The following ZNF658 variants were observed in gnomAD, a reference collection of about 807,000 sequenced individuals.
ZNF658 encodes the protein zinc finger protein 658.
A neutral mutation model predicts 78.0 loss-of-function variants in ZNF658; 46 were observed. The ratio of observed to expected loss-of-function variants is 0.59; its 90% CI spans 0.47 to 0.75. The LOEUF (loss-of-function observed/expected upper bound fraction) is 0.75. Among genes scored for constraint, ZNF658 ranks in the 30% least tolerant of loss-of-function variants. The pLI is 0.00. For missense variants in ZNF658, 785 were observed against 1,189.3 expected (o/e 0.66, Z 5.00); for synonymous variants, 279 against 408.4 (o/e 0.68, Z 3.82).
intron 4 of ZNF658, among the ~76,000 whole-genome samples, chr9:66,910,988 A>G (rs997941693): frequency 2.6e-5 from 4 of 151,360 alleles, no homozygotes; most frequent in Admixed American, 2.0e-4. Flanking sequence ...AAATAATATA[A>G]TATCAATGTT....
At chr9:66,914,176 T>C (rs570604779) in intron 4 of ZNF658, among the ~76,000 whole-genome samples, 1 of 151,070 alleles carries the variant, frequency 6.6e-6, no homozygotes, top group East Asian at 1.9e-4. Context: ...CCCTACTGAT[T>C]TATTTACTGT....
At chr9:66,914,990 C>A (rs1184348009) in intron 4 of ZNF658, among the ~76,000 whole-genome samples, 2 of 151,554 alleles carry the variant, frequency 1.3e-5, no homozygotes, top group African/African-American at 4.9e-5. Context: ...TTATTTCTTC[C>A]TTGGATGTTT....
At chr9:66,910,318 A>G (rs1350384686) in intron 4 of ZNF658, among the ~76,000 whole-genome samples, 5 of 151,590 alleles carry the variant, frequency 3.3e-5, no homozygotes, top group South Asian at 2.1e-4. Context: ...AGAATAAAAA[A>G]GTAAAATCAT....
In ZNF658 at chr9:66,908,625, T is replaced by C. The variant is rs1822137323; in HGVS notation, c.143-14T>C. On this transcript the variant is annotated splice_polypyrimidine_tract_variant and intron_variant, in intron 3 of 4. Transcript: ENST00000621410. ...GCCTGTGAATCTGGTCCATGTCAAT[T>C]ATTTTGTTTACAGGATATTGCATTA... The C allele has an allele frequency of 1.3e-6, 2 of 1,559,440 alleles. No homozygotes were observed. The highest frequency in any genetic ancestry group is 1.7e-6 in the Non-Finnish European group (2 of 1,152,480).
chr9:66,918,727 G>C lies in ZNF658; in HGVS notation c.1161G>C (p.Gly387=). 6.2e-7 allele frequency: 1 copy of C among 1,613,938 alleles called. No individual in the cohort carries two copies. The highest frequency in any genetic ancestry group is 1.7e-4 in the Middle Eastern group (1 of 6,054). Residue 387 remains glycine (G), a synonymous_variant, in exon 5 of 5, where the codon GGG becomes GGC. Transcript: ENST00000621410. ...EDKFYLSDEH[G]KCRKSFYRKA... is the part of the protein sequence containing the mutation. Reference sequence around the variant, plus strand: ...AATTCTACCTTTCTGATGAACATGGGAAATGCAGAAAATCCTTTTACCGGA... The same window carrying C: ...AATTCTACCTTTCTGATGAACATGGCAAATGCAGAAAATCCTTTTACCGGA...
intron 4 of ZNF658, among the ~76,000 whole-genome samples, chr9:66,911,374 A>G (rs1481772774): frequency 1.3e-5 from 1 of 74,714 alleles, no homozygotes; most frequent in African/African-American, 7.3e-5. Context: ...CTTTTAAACA[A>G]TATACAAAAA....
rs146526028 is a variant in ZNF658, at chr9:66,930,671, C to T, written c.*55-1354C>T. 2.7e-3 allele frequency among the ~76,000 whole-genome samples: 416 copies of T among 151,994 alleles called. 3 individuals are homozygous for T. The highest frequency in any genetic ancestry group is 9.4e-3 in the African/African-American group (390 of 41,472). ...AAAAAAATACAACAGAGCAAGACTCCGTCTCAAAAAAAAAATGGAATTTTC... is the reference window on the plus strand; with the variant it reads ...AAAAAAATACAACAGAGCAAGACTCTGTCTCAAAAAAAAAATGGAATTTTC... On this transcript the variant is annotated intron_variant and NMD_transcript_variant, in intron 6 of 6. Transcript: ENST00000622180.
chr9:66,907,338 C>A (rs929238734), intron 2 of ZNF658, among the ~76,000 whole-genome samples: 61 of 151,970 alleles, frequency 4.0e-4, no homozygotes, highest in Non-Finnish European at 5.3e-4. Flanking sequence ...TCTTCTAACA[C>A]GTTTTCTTCT....
At position 66,920,413 on chromosome 9, in the gene ZNF658, T is replaced by C; in HGVS notation, c.2847T>C (p.His949=). The C allele has an allele frequency of 6.8e-6, 11 of 1,610,432 alleles. No homozygotes were observed. The highest frequency in any genetic ancestry group is 9.3e-6 in the Non-Finnish European group (11 of 1,179,406). ...ECNVCGKPFA[H]NSTLRVHQRI... The stretch of plus-strand genomic sequence containing the variant: ...ATGTATGTGGGAAGCCATTTGCCCA[T>C]AATTCAACCCTCAGAGTACATCAAA... The change falls in exon 5 of 5, where the codon CAT becomes CAC. Residue 949 remains histidine (H), a synonymous_variant. Coordinates refer to ENST00000621410, the MANE Select transcript of ZNF658 (RefSeq NM_033160.7).
At chr9:66,907,867 A>G (rs536998628) in intron 2 of ZNF658, among the ~76,000 whole-genome samples, 2 of 151,844 alleles carry the variant, frequency 1.3e-5, no homozygotes, top group African/African-American at 4.8e-5. Flanking sequence ...GGGTATCTCC[A>G]GACTTCACAT....
chr9:66,902,027 T>G (rs1182732709), intron 1 of ZNF658, among the ~76,000 whole-genome samples: 5 of 152,226 alleles, frequency 3.3e-5, no homozygotes, highest in Non-Finnish European at 7.3e-5. Context: ...TTTATTTTAC[T>G]TAACTCATTC....
At chr9:66,905,074 T>TC in intron 2 of ZNF658, among the ~76,000 whole-genome samples, 1 of 102,050 alleles carries the variant, frequency 9.8e-6, no homozygotes, top group African/African-American at 4.1e-5. Flanking sequence ...TTTTCTTTTT[T>TC]TTTTTTTTTT....
At chr9:66,901,724 C>T (rs1821956587) in intron 1 of ZNF658, among the ~76,000 whole-genome samples, 1 of 151,978 alleles carries the variant, frequency 6.6e-6, no homozygotes, top group South Asian at 2.1e-4. Context: ...GCCAGTGGAT[C>T]ACTTGAGGCC....
chr9:66,931,807 T>A (rs911906277), intron 6 of ZNF658, among the ~76,000 whole-genome samples: 58 of 131,942 alleles, frequency 4.4e-4, no homozygotes, highest in Middle Eastern at 3.6e-3. Flanking sequence ...TCATGTCAAA[T>A]ATTACAAGCA....
chr9:66,905,137 A>G (rs1435839093), intron 2 of ZNF658, among the ~76,000 whole-genome samples: 1 of 124,202 alleles, frequency 8.1e-6, no homozygotes, highest in Non-Finnish European at 1.6e-5. Context: ...GTGCAGTGGC[A>G]TGATCTCGGC....
rs1822510409 is a variant in ZNF658 at position 66,920,899 on chromosome 9, G to A, written c.*153G>A. On this transcript the variant is annotated 3_prime_UTR_variant, in exon 5 of 5. Transcript: ENST00000621410. ...TTTATTCAGGTGGGGCTGACCATGG[G>A]ATGTGGTGCTAATGATAAATATTAC... 1.3e-6 allele frequency: 1 copy of A among 781,022 alleles called. No individual in the cohort carries two copies. The highest frequency in any genetic ancestry group is 2.2e-6 in the Non-Finnish European group (1 of 461,020). The allele number at this position is 781,022 out of a possible 1,614,324, so 48.4% of individuals were successfully genotyped here.
chr9:66,914,862 G>T (rs893627947), intron 4 of ZNF658, among the ~76,000 whole-genome samples: 1 of 152,088 alleles, frequency 6.6e-6, no homozygotes. Context: ...TGGTCTGAAA[G>T]CTTCTTTTCT....
At chr9:66,929,177 C>G (rs1822615837) in intron 6 of ZNF658, among the ~76,000 whole-genome samples, 1 of 147,342 alleles carries the variant, frequency 6.8e-6, no homozygotes, top group African/African-American at 2.5e-5. Context: ...ACTTCTTGCA[C>G]AAATTGCAAC....
At chr9:66,901,621 A>G (rs938036190) in intron 1 of ZNF658, among the ~76,000 whole-genome samples, 5 of 152,008 alleles carry the variant, frequency 3.3e-5, no homozygotes, top group African/African-American at 4.8e-5. Context: ...GTGCTGTCCA[A>G]TAGAAAGATA....
Sources: gnomAD v4.1 joint callset for allele counts (sites outside exome capture counted in the v4.1 genomes callset) on GRCh38, gnomAD v4.1.1 for gene constraint, MANE v1.5 for transcripts, NCBI Gene and HGNC (gene_info 2026-07-23, HGNC 2026-07-21) for gene names.